PRKD1: variants seen among roughly 807,000 people sequenced by gnomAD.
PRKD1 encodes the protein protein kinase D1.
A neutral mutation model predicts 95.9 loss-of-function variants in PRKD1; 63 were observed. That is an observed-to-expected ratio of 0.66 (90% CI 0.54 to 0.81). The LOEUF (loss-of-function observed/expected upper bound fraction) is 0.81. PRKD1 is among the 30% of genes least tolerant of loss of function. PRKD1 has a pLI of 0.00. For synonymous variants in PRKD1, 425 were observed against 423.1 expected (o/e 1.00, Z -0.05); for missense variants, 1,048 against 1,165.3 (o/e 0.90, Z 1.47).
chr14:29,733,099 T>C (rs1442773791), intron 1 of PRKD1, among the ~76,000 whole-genome samples: 1 of 142,910 alleles, frequency 7.0e-6, no homozygotes, highest in Admixed American at 7.0e-5. Context: ...TTTTAATTTT[T>C]ATTTATTTAT....
At chr14:29,849,058 T>C (rs1892193457) in intron 1 of PRKD1, among the ~76,000 whole-genome samples, 2 of 152,286 alleles carry the variant, frequency 1.3e-5, no homozygotes, top group South Asian at 2.1e-4. Flanking sequence ...ATGGTTTGCA[T>C]TTGTGTCCCC....
intron 1 of PRKD1, among the ~76,000 whole-genome samples, chr14:29,775,952 A>G (rs774878413): frequency 1.3e-5 from 2 of 152,150 alleles, no homozygotes; most frequent in Admixed American, 1.3e-4. Context: ...CGAAGCTTCC[A>G]GAGGAACAAT....
chr14:29,725,977 G>T (rs1261815136), intron 1 of PRKD1, among the ~76,000 whole-genome samples: 1 of 152,106 alleles, frequency 6.6e-6, no homozygotes, highest in Non-Finnish European at 1.5e-5. Context: ...AAGTGGTTAA[G>T]AAATATAGGT....
chr14:29,875,243 G>T (rs1465165295), intron 1 of PRKD1, among the ~76,000 whole-genome samples: 1 of 151,990 alleles, frequency 6.6e-6, no homozygotes, highest in Non-Finnish European at 1.5e-5. Context: ...AAAATGGTGG[G>T]GTGACGGGGA....
chr14:29,640,162 C>T (rs1245625872), intron 4 of PRKD1, among the ~76,000 whole-genome samples: 1 of 152,118 alleles, frequency 6.6e-6, no homozygotes, highest in Non-Finnish European at 1.5e-5. Flanking sequence ...CATCTAAGCT[C>T]ATAAAGTTTA....
rs1048723358 is a variant in PRKD1 at position 29,790,212 on chromosome 14, AC to A, written c.265-64539del. On this transcript the variant is annotated intron_variant, in intron 1 of 17. Coordinates refer to ENST00000331968, the MANE Select transcript of PRKD1 (RefSeq NM_002742.3). ...TTTTTAGTAGAGATGAGGTTTCACC[AC>A]CTTGGCCAGGATGGTCTCGATCTCT... is the stretch of plus-strand genomic sequence containing the variant. Among the ~76,000 whole-genome samples, 5 of 151,768 alleles carry A rather than the reference AC, an allele frequency of 3.3e-5. 1 individual carries two copies. The highest frequency in any genetic ancestry group is 3.3e-4 in the Admixed American group (5 of 15,242).
intron 1 of PRKD1, among the ~76,000 whole-genome samples, chr14:29,770,155 A>C (rs1888437560): frequency 6.6e-6 from 1 of 152,216 alleles, no homozygotes; most frequent in Admixed American, 6.5e-5. Flanking sequence ...TGGTCTCTCC[A>C]GTCTCCAGAA....
At chr14:29,679,202 C>T (rs569757020) in intron 2 of PRKD1, among the ~76,000 whole-genome samples, 3 of 152,288 alleles carry the variant, frequency 2.0e-5, no homozygotes, top group East Asian at 1.9e-4. Context: ...ATAGATTAAA[C>T]ATGTACCATA....
chr14:29,738,878 G>A (rs548753961), intron 1 of PRKD1, among the ~76,000 whole-genome samples: 1 of 149,968 alleles, frequency 6.7e-6, no homozygotes, highest in African/African-American at 2.5e-5. Flanking sequence ...GCCCAAGCTG[G>A]AGTGCAGTGA....
At chr14:29,772,798 C>T (rs912459037) in intron 1 of PRKD1, among the ~76,000 whole-genome samples, 11 of 152,130 alleles carry the variant, frequency 7.2e-5, no homozygotes, top group African/African-American at 2.4e-4. Flanking sequence ...AAAAACGATG[C>T]CCATTTCTCT....
intron 2 of PRKD1, among the ~76,000 whole-genome samples, chr14:29,704,370 T>C (rs1252087713): frequency 6.6e-6 from 1 of 152,210 alleles, no homozygotes; most frequent in African/African-American, 2.4e-5. Flanking sequence ...GCTATGTGGA[T>C]AACAGCATTT....
chr14:29,621,376 C>T (rs542081390), intron 13 of PRKD1, among the ~76,000 whole-genome samples: 1 of 151,882 alleles, frequency 6.6e-6, no homozygotes, highest in African/African-American at 2.4e-5. Context: ...CTTTCTTTCT[C>T]TCTCTCCCTC....
At chr14:29,609,715 T>C (rs1255261573) in intron 13 of PRKD1, among the ~76,000 whole-genome samples, 17 of 62,628 alleles carry the variant, frequency 2.7e-4, no homozygotes, top group African/African-American at 1.2e-3. Flanking sequence ...TATTTCTTTA[T>C]TTTTTTTTTT....
chr14:29,895,154 T>TA (rs1894078703), intron 1 of PRKD1, among the ~76,000 whole-genome samples: 1 of 151,904 alleles, frequency 6.6e-6, no homozygotes, highest in Non-Finnish European at 1.5e-5. Flanking sequence ...GCATCTCTAC[T>TA]AAAATACCAA....
chr14:29,627,932 C>T lies in PRKD1; in HGVS notation c.1725+1109G>A, dbSNP rs1005468723. Among the ~76,000 whole-genome samples the T allele has an allele frequency of 7.9e-5, 12 of 152,260 alleles. No homozygotes were observed. In the East Asian group the frequency reaches 2.3e-3, roughly 29 times the overall value. ...TCTGTTAAGAGAAGTGTTCTTTAGG[C>T]TTTCCGATAACTCAATGGCCGATCC... On this transcript the variant is annotated intron_variant, in intron 11 of 17. Transcript: ENST00000331968.
rs192165526 is a variant in PRKD1 at position 29,831,333 on chromosome 14, G to A, written c.264+95916C>T. Among the ~76,000 whole-genome samples the A allele has an allele frequency of 3.0e-3, 460 of 152,148 alleles. 7 individuals carry two copies. Among genetic ancestry groups the A allele is most frequent in the East Asian group, 2.1e-3 (11 of 5,184 alleles). ...TTTAAGATGAGATAATGAAACTGTC[G>A]CTTGTAAATGAGAAAACTGAGGCCA... On this transcript the variant is annotated intron_variant, in intron 1 of 17. Coordinates refer to ENST00000331968, the MANE Select transcript of PRKD1 (RefSeq NM_002742.3).
chr14:29,826,103 G>A lies in PRKD1; in HGVS notation c.265-100429C>T, dbSNP rs118190180. The stretch of plus-strand genomic sequence containing the variant: ...ATCAATGAGTGGATAAAGAAACTGC[G>A]TGGTATGTGTGTGTGTGTCTCTCTC... On this transcript the variant is annotated intron_variant, in intron 1 of 17. Coordinates refer to ENST00000331968, the MANE Select transcript of PRKD1 (RefSeq NM_002742.3). Among the ~76,000 whole-genome samples the A allele has an allele frequency of 6.2e-3, 935 of 150,546 alleles. 3 individuals are homozygous for A. The highest frequency in any genetic ancestry group is 0.012 in the Admixed American group (179 of 14,938).
At chr14:29,925,217 A>G (rs1417825448) in intron 1 of PRKD1, among the ~76,000 whole-genome samples, 1 of 151,792 alleles carries the variant, frequency 6.6e-6, no homozygotes, top group Non-Finnish European at 1.5e-5. Context: ...TTCCCTTTCC[A>G]GTATTTCTCC....
chr14:29,792,359 C>G (rs142845734), intron 1 of PRKD1, among the ~76,000 whole-genome samples: 39 of 152,034 alleles, frequency 2.6e-4, no homozygotes, highest in African/African-American at 8.7e-4. Context: ...TCAGAAGGTC[C>G]AAATTTTAAT....
Sources: allele counts gnomAD v4.1 joint callset (sites outside exome capture counted in the v4.1 genomes callset), GRCh38; gene constraint gnomAD v4.1.1; transcripts MANE v1.5; gene names NCBI Gene and HGNC (gene_info 2026-07-23, HGNC 2026-07-21).